DMP1: variants seen among roughly 807,000 people sequenced by gnomAD.
DMP1 encodes dentin matrix protein 1.
DMP1 carries 20 observed loss-of-function variants against 14.6 expected under a neutral mutation model. That is an observed-to-expected ratio of 1.37 (90% CI 0.96 to 1.99). The LOEUF (loss-of-function observed/expected upper bound fraction) is 1.99, where lower values mean the gene tolerates loss of function less well. Ranked by LOEUF, DMP1 falls within the 30% of genes most tolerant of loss-of-function variation. The pLI is 0.00. For missense variants in DMP1, 567 were observed against 620.5 expected (o/e 0.91, Z 0.92); for synonymous variants, 197 against 215.3 (o/e 0.91, Z 0.75).
At chr4:87,653,739 G>T (rs527611780) in intron 1 of DMP1, among the ~76,000 whole-genome samples, 1 of 152,126 alleles carries the variant, frequency 6.6e-6, no homozygotes, top group East Asian at 1.9e-4. Flanking sequence ...CTTCCCAGTT[G>T]ATAGTAATAT....
At chr4:87,655,841 T>C in intron 1 of DMP1, among the ~76,000 whole-genome samples, 1 of 152,218 alleles carries the variant, frequency 6.6e-6, no homozygotes, top group East Asian at 1.9e-4. Context: ...TAGAAATTTC[T>C]ATATTCCTCT....
intron 5 of DMP1, 127 bp downstream of exon 5, chr4:87,659,605 A>T: frequency 1.1e-6 from 1 of 905,738 alleles, no homozygotes; most frequent in Non-Finnish European, 1.8e-6. Flanking sequence ...CTGGCTAAAG[A>T]GTCCTATAAA....
chr4:87,652,420 T>C (rs1190177009), intron 1 of DMP1, among the ~76,000 whole-genome samples: 4 of 152,242 alleles, frequency 2.6e-5, no homozygotes, highest in Admixed American at 2.6e-4. Context: ...TAACAAGGGG[T>C]TTAAGATCTG....
chr4:87,655,462 C>T (rs149197487), intron 1 of DMP1, among the ~76,000 whole-genome samples: 195 of 152,230 alleles, frequency 1.3e-3, no homozygotes, highest in African/African-American at 4.4e-3. Context: ...TCCCCAAATC[C>T]TTCAGTACTG....
intron 5 of DMP1, 52 bp from the exon 6 acceptor site, chr4:87,661,910 T>A: frequency 6.2e-7 from 1 of 1,613,764 alleles, no homozygotes; most frequent in Non-Finnish European, 8.5e-7. Context: ...AGATAACTCC[T>A]TCTCTATCGG....
chr4:87,660,551 A>AAAAAC lies in DMP1; in HGVS notation c.183+1093_183+1097dup, dbSNP rs200119536. ...CAGACATTGATCAGTAGGGATGTGT[A>AAAAAC]AAAACAAAACAAAACAAAACAAAAA... On this transcript the variant is annotated intron_variant, in intron 5 of 5. Coordinates refer to ENST00000339673, the MANE Select transcript of DMP1 (RefSeq NM_004407.4). Among the ~76,000 whole-genome samples the AAAAAC allele has an allele frequency of 9.7e-3, 1,485 of 152,334 alleles. 9 individuals carry two copies. Among genetic ancestry groups the AAAAAC allele is most frequent in the Middle Eastern group, 0.044 (13 of 294 alleles).
rs34661425 is a variant in DMP1, at chr4:87,663,166, A to G, written c.1388A>G (p.Lys463Arg). 6,278 of 1,614,170 alleles carry G rather than the reference A, an allele frequency of 3.9e-3. 62 individuals are homozygous for G. The African/African-American group carries it at 0.04, about 10-fold the overall frequency. ...DSDSQDSSRSKEDSNSTESKS... is the reference protein window; with the variant it reads ...DSDSQDSSRSREDSNSTESKS... Reference sequence around the variant, plus strand: ...GACTCTCAAGACAGCAGCAGATCCAAAGAAGATAGCAACTCCACGGAGAGC... The same window carrying G: ...GACTCTCAAGACAGCAGCAGATCCAGAGAAGATAGCAACTCCACGGAGAGC... The change falls in exon 6 of 6, where the codon AAA (lysine) becomes AGA (arginine). Residue 463 changes from lysine (K) to arginine (R), a missense_variant. Lys to Arg is a conservative substitution (Grantham distance 26). Coordinates refer to ENST00000339673, the MANE Select transcript of DMP1 (RefSeq NM_004407.4).
chr4:87,653,386 G>GAGATAT (rs1400220280), intron 1 of DMP1, among the ~76,000 whole-genome samples: 1 of 57,728 alleles, frequency 1.7e-5, no homozygotes, highest in Non-Finnish European at 3.6e-5. Context: ...ATTATCGAGT[G>GAGATAT]ATATATATAT....
intron 5 of DMP1, among the ~76,000 whole-genome samples, chr4:87,661,132 G>C (rs999331480): frequency 3.3e-5 from 5 of 149,952 alleles, no homozygotes; most frequent in Non-Finnish European, 7.4e-5. Context: ...CTGCCCCCCA[G>C]GTTCAAGTGA....
chr4:87,653,722 T>C (rs1024397747), intron 1 of DMP1, among the ~76,000 whole-genome samples: 1 of 152,240 alleles, frequency 6.6e-6, no homozygotes, highest in African/African-American at 2.4e-5. Context: ...TTGGCATTTT[T>C]AAAACTCTTC....
In DMP1 at chr4:87,650,292, C is replaced by T. The variant is rs1728501919; in HGVS notation, c.-114C>T. ...CAGAGAAGTGTCCAGAATATCAACACAAGAGTGGCTTCATTGGGCATAGAT... is the reference window on the plus strand; with the variant it reads ...CAGAGAAGTGTCCAGAATATCAACATAAGAGTGGCTTCATTGGGCATAGAT... On this transcript the variant is annotated 5_prime_UTR_variant, in exon 1 of 6. Transcript: ENST00000339673. 1 of 152,070 alleles carries T rather than the reference C, an allele frequency of 6.6e-6. No individual in the cohort carries two copies. The highest frequency in any genetic ancestry group is 6.5e-5 in the Admixed American group (1 of 15,268). The allele number at this position is 152,070 out of a possible 1,614,324, so 9.4% of individuals were successfully genotyped here.
At chr4:87,656,419 A>G in intron 1 of DMP1, 53 bp from the exon 2 acceptor site, 1 of 1,024,924 alleles carries the variant, frequency 9.8e-7, no homozygotes, top group Non-Finnish European at 1.6e-6. Flanking sequence ...TAAAAAGTTG[A>G]AACTACTTTA....
chr4:87,654,834 G>T (rs1728640553), intron 1 of DMP1, among the ~76,000 whole-genome samples: 1 of 152,180 alleles, frequency 6.6e-6, no homozygotes, highest in African/African-American at 2.4e-5. Context: ...ATCTGTCTCA[G>T]GTGAGAAGAG....
intron 1 of DMP1, among the ~76,000 whole-genome samples, chr4:87,654,967 C>T (rs1169475564): frequency 6.6e-6 from 1 of 152,034 alleles, no homozygotes; most frequent in Non-Finnish European, 1.5e-5. Context: ...CAGGAATTTC[C>T]CTGTGAGAAA....
Position 87,663,332 on chromosome 4 carries a change from C to T in DMP1, c.*12C>T, listed in dbSNP as rs747771988. The T allele has an allele frequency of 1.2e-6, 2 of 1,614,052 alleles. No homozygotes were observed. Among genetic ancestry groups the T allele is most frequent in the African/African-American group, 1.3e-5 (1 of 74,924 alleles). ...AAGACGGCTATTAGCATCAGCTGTC[C>T]TAAGAAGCAGTTGTCACATAAAGGA... On this transcript the variant is annotated 3_prime_UTR_variant, in exon 6 of 6. Transcript: ENST00000339673.
intron 5 of DMP1, 78 bp downstream of exon 5, chr4:87,659,556 G>T: frequency 1.5e-6 from 2 of 1,327,078 alleles, no homozygotes; most frequent in South Asian, 2.3e-5. Context: ...ATTACCTGGC[G>T]ACAGTTCTAA....
At chr4:87,661,646 A>AAT (rs1228881959) in intron 5 of DMP1, among the ~76,000 whole-genome samples, 8 of 25,836 alleles carry the variant, frequency 3.1e-4, no homozygotes, top group African/African-American at 1.3e-3. Context: ...CCAGCCCAAG[A>AAT]GTTTTTTTTT....
Position 87,662,104 on chromosome 4 carries a change from G to T in DMP1, c.326G>T (p.Ser109Ile). ...GDDKDDDEDD[S>I]GDDTFGDDDS... ...GATAAAGATGACGATGAAGATGACA[G>T]TGGAGATGACACCTTTGGTGACGAT... The change falls in exon 6 of 6, where the codon AGT (serine) becomes ATT (isoleucine). Residue 109 changes from serine to isoleucine, a missense_variant. Transcript: ENST00000339673. 1 of 1,614,226 alleles carries T rather than the reference G, an allele frequency of 6.2e-7. No homozygotes were observed. The highest frequency in any genetic ancestry group is 8.5e-7 in the Non-Finnish European group (1 of 1,180,040).
At chr4:87,659,692 T>G (rs1011650949) in intron 5 of DMP1, among the ~76,000 whole-genome samples, 1 of 152,226 alleles carries the variant, frequency 6.6e-6, no homozygotes, top group East Asian at 1.9e-4. Context: ...TGAGCCTAGA[T>G]TGCTGGCACT....
Sources: gnomAD v4.1 joint callset for allele counts (sites outside exome capture counted in the v4.1 genomes callset) on GRCh38, gnomAD v4.1.1 for gene constraint, MANE v1.5 for transcripts, NCBI Gene and HGNC (gene_info 2026-07-23, HGNC 2026-07-21) for gene names.